Variants in MGAT4C observed in about 807,000 individuals in gnomAD.
The protein encoded by MGAT4C is alpha-1,3-mannosyl-glycoprotein 4-beta-N-acetylglucosaminyltransferase C.
In MGAT4C, 19 loss-of-function variants were observed where a neutral mutation model predicts 40.1. The ratio of observed to expected loss-of-function variants is 0.47; its 90% CI spans 0.33 to 0.70. The LOEUF is 0.70. Among genes scored for constraint, MGAT4C ranks in the 30% least tolerant of loss-of-function variants. The pLI is 0.02. For synonymous variants in MGAT4C, 181 were observed against 187.1 expected, an observed-to-expected ratio of 0.97 and a Z score of 0.27; for missense variants, 491 against 563.2, an observed-to-expected ratio of 0.87 and a Z score of 1.30.
intron 2 of MGAT4C, among the ~76,000 whole-genome samples, chr12:86,534,855 T>G (rs1959043262): frequency 6.6e-6 from 1 of 152,106 alleles, no homozygotes; most frequent in Admixed American, 6.6e-5. Flanking sequence ...GTATGCTGCT[T>G]TATGTTTGCA....
chr12:86,611,994 AT>A (rs1962298407), intron 2 of MGAT4C, among the ~76,000 whole-genome samples: 1 of 152,164 alleles, frequency 6.6e-6, no homozygotes, highest in Non-Finnish European at 1.5e-5. Flanking sequence ...AAAAGCCACT[AT>A]TTGTTTGAAG....
chr12:86,575,985 A>G (rs1960543163), intron 2 of MGAT4C, among the ~76,000 whole-genome samples: 1 of 151,766 alleles, frequency 6.6e-6, no homozygotes, highest in Admixed American at 6.6e-5. Context: ...CATCCTTATC[A>G]TCATTTGTTA....
intron 1 of MGAT4C, among the ~76,000 whole-genome samples, chr12:86,172,874 T>C (rs1886999106): frequency 6.6e-6 from 1 of 152,158 alleles, no homozygotes; most frequent in Non-Finnish European, 1.5e-5. Flanking sequence ...CTTTTAATAA[T>C]GAATATTAAT....
chr12:86,174,894 T>C (rs1887228051), intron 1 of MGAT4C, among the ~76,000 whole-genome samples: 1 of 152,294 alleles, frequency 6.6e-6, no homozygotes, highest in South Asian at 2.1e-4. Flanking sequence ...TAATTTAGCA[T>C]TTAGCCTGCT....
At chr12:86,262,393 C>A (rs1952677185) in intron 4 of MGAT4C, among the ~76,000 whole-genome samples, 1 of 152,126 alleles carries the variant, frequency 6.6e-6, no homozygotes. Flanking sequence ...TCTATGCATG[C>A]CATCTTTCTT....
At chr12:86,347,011 G>A (rs909431041) in intron 3 of MGAT4C, among the ~76,000 whole-genome samples, 41 of 152,082 alleles carry the variant, frequency 2.7e-4, no homozygotes, top group Admixed American at 1.4e-3. Context: ...TTTGCCAGGG[G>A]CTCTCGGGCC....
At chr12:86,489,903 C>A (rs1366270118) in intron 2 of MGAT4C, among the ~76,000 whole-genome samples, 4 of 152,116 alleles carry the variant, frequency 2.6e-5, no homozygotes, top group Non-Finnish European at 5.9e-5. Context: ...AACAAAGCAT[C>A]CAAGAAATAT....
intron 1 of MGAT4C, among the ~76,000 whole-genome samples, chr12:86,837,457 T>C (rs746209689): frequency 3.9e-5 from 6 of 152,082 alleles, no homozygotes; most frequent in South Asian, 2.1e-4. Context: ...ACTTAACAAG[T>C]GCTCTTGTGA....
chr12:86,374,503 AT>A, intron 3 of MGAT4C, among the ~76,000 whole-genome samples: 1 of 152,292 alleles, frequency 6.6e-6, no homozygotes, highest in Non-Finnish European at 1.5e-5. Flanking sequence ...ACCAACAACA[AT>A]TTATTAAATA....
chr12:86,073,101 A>T (rs1208413906), intron 1 of MGAT4C, among the ~76,000 whole-genome samples: 1 of 152,174 alleles, frequency 6.6e-6, no homozygotes, highest in Non-Finnish European at 1.5e-5. Context: ...CAATTGAATC[A>T]TGGGGGTGGT....
At chr12:86,136,140 A>C (rs1881914134) in intron 1 of MGAT4C, among the ~76,000 whole-genome samples, 1 of 152,178 alleles carries the variant, frequency 6.6e-6, no homozygotes, top group Non-Finnish European at 1.5e-5. Context: ...TATATCCATA[A>C]AATAATCACT....
At chr12:86,530,541 C>T (rs1958963511) in intron 2 of MGAT4C, among the ~76,000 whole-genome samples, 1 of 151,990 alleles carries the variant, frequency 6.6e-6, no homozygotes, top group South Asian at 2.1e-4. Context: ...GGTAACTTAG[C>T]AAACTAAATC....
chr12:86,611,799 A>T (rs183244340), intron 2 of MGAT4C, among the ~76,000 whole-genome samples: 293 of 152,292 alleles, frequency 1.9e-3, no homozygotes, highest in Non-Finnish European at 3.1e-3. Flanking sequence ...CACAGCAGGC[A>T]ACCTGTAGAT....
chr12:86,773,572 T>A (rs1229212265), intron 1 of MGAT4C, among the ~76,000 whole-genome samples: 1 of 152,214 alleles, frequency 6.6e-6, no homozygotes, highest in Admixed American at 6.5e-5. Context: ...AATATTTTCC[T>A]ATCTTACTAT....
intron 1 of MGAT4C, among the ~76,000 whole-genome samples, chr12:86,171,796 C>A (rs1006847027): frequency 3.3e-5 from 5 of 152,144 alleles, no homozygotes; most frequent in Non-Finnish European, 7.4e-5. Context: ...ACTTCTGAAA[C>A]TTCATAAATG....
intron 3 of MGAT4C, among the ~76,000 whole-genome samples, chr12:86,425,772 G>A (rs1385510896): frequency 6.6e-6 from 1 of 152,072 alleles, no homozygotes; most frequent in Non-Finnish European, 1.5e-5. Flanking sequence ...CTGAAGTATT[G>A]CATGCATATA....
At chr12:86,641,988 C>T (rs183361258) in intron 2 of MGAT4C, among the ~76,000 whole-genome samples, 42 of 151,770 alleles carry the variant, frequency 2.8e-4, no homozygotes, top group African/African-American at 1.0e-3. Flanking sequence ...AATATTTTGT[C>T]AATAGGACCA....
intron 1 of MGAT4C, among the ~76,000 whole-genome samples, chr12:86,727,969 A>C (rs1240716749): frequency 6.6e-6 from 1 of 152,182 alleles, no homozygotes; most frequent in East Asian, 1.9e-4. Context: ...TGAGAAGGCC[A>C]AGTAATAACT....
At chr12:86,366,900 T>C (rs1955610380) in intron 3 of MGAT4C, among the ~76,000 whole-genome samples, 1 of 152,138 alleles carries the variant, frequency 6.6e-6, no homozygotes, top group Non-Finnish European at 1.5e-5. Context: ...ATTAAAAATG[T>C]ATTTATAAAA....
Sources: gnomAD v4.1 joint callset for allele counts (sites outside exome capture counted in the v4.1 genomes callset) on GRCh38, gnomAD v4.1.1 for gene constraint, MANE v1.5 for transcripts, NCBI Gene and HGNC (gene_info 2026-07-23, HGNC 2026-07-21) for gene names.